The following DENND5B variants were observed in gnomAD, a reference collection of about 807,000 sequenced individuals.
DENND5B encodes the protein DENN domain-containing protein 5B.
A neutral mutation model predicts 140.6 loss-of-function variants in DENND5B; 34 were observed. That is an observed-to-expected ratio of 0.24 (90% CI 0.18 to 0.32). DENND5B has a LOEUF of 0.32. Ranked by LOEUF, DENND5B falls within the 10% of genes least tolerant of loss-of-function variation. The probability of loss-of-function intolerance (pLI) is 1.00; values close to 1 mark genes in which losing one functional copy is unlikely to be tolerated. For missense variants in DENND5B, 1,142 were observed against 1,560.2 expected (o/e 0.73, Z 4.52); for synonymous variants, 551 against 562.1 (o/e 0.98, Z 0.28).
intron 4 of DENND5B, among the ~76,000 whole-genome samples, chr12:31,456,979 G>T (rs1944804667): frequency 6.6e-6 from 1 of 152,160 alleles, no homozygotes; most frequent in African/African-American, 2.4e-5. Context: ...AGCTACTCAT[G>T]AGGCTGAGGT....
At chr12:31,426,236 C>T (rs1943227712) in intron 9 of DENND5B, 57 bp downstream of exon 9, 1 of 1,532,868 alleles carries the variant, frequency 6.5e-7, no homozygotes, top group Non-Finnish European at 8.8e-7. Context: ...TCATCTTAGC[C>T]TCACACATGG....
intron 3 of DENND5B, chr12:31,477,995 G>T: frequency 4.9e-6 from 1 of 204,930 alleles, no homozygotes; most frequent in East Asian, 1.2e-4. Context: ...TAATGCCCAA[G>T]GAGCTTCAGA....
intron 17 of DENND5B, among the ~76,000 whole-genome samples, chr12:31,393,974 G>A (rs547176273): frequency 2.0e-5 from 3 of 152,204 alleles, no homozygotes; most frequent in South Asian, 4.2e-4. Flanking sequence ...ACAGGCGTAA[G>A]CCACCATGCC....
In DENND5B at chr12:31,409,382, T is replaced by G; in HGVS notation, c.2684A>C (p.Lys895Thr). 6.5e-7 allele frequency: 1 copy of G among 1,540,698 alleles called. No homozygotes were observed. The highest frequency in any genetic ancestry group is 8.8e-7 in the Non-Finnish European group (1 of 1,141,430). The change falls in exon 14 of 21, where the codon AAG becomes ACG. Residue 895 changes from lysine (K) to threonine (T), a missense_variant and splice_region_variant. Around this residue, in one of 5 missense-constraint regions of DENND5B, gnomAD observed 268 missense variants for 349.2 expected, o/e 0.77. Transcript: ENST00000389082. ...QLLSNQPLTKKLYKRYAFLRC... is the reference protein window; with the variant it reads ...QLLSNQPLTKTLYKRYAFLRC... ...TAGAAAAGCATATCGCTTATAAAGC[T>G]TCCTAGGAAAGGGTAAGACAAGCAC...
intron 2 of DENND5B, among the ~76,000 whole-genome samples, chr12:31,481,044 G>T (rs1415556558): frequency 6.6e-6 from 1 of 152,104 alleles, no homozygotes; most frequent in Admixed American, 6.5e-5. Flanking sequence ...TTAAATAAAA[G>T]AAGTGAAATT....
At chr12:31,468,382 A>T (rs1239780114) in intron 3 of DENND5B, among the ~76,000 whole-genome samples, 1 of 152,132 alleles carries the variant, frequency 6.6e-6, no homozygotes, top group East Asian at 1.9e-4. Context: ...GCAGGTGGGG[A>T]GAAAGAAAGG....
At chr12:31,497,544 T>C (rs1946806257) in intron 1 of DENND5B, among the ~76,000 whole-genome samples, 1 of 151,702 alleles carries the variant, frequency 6.6e-6, no homozygotes, top group East Asian at 1.9e-4. Context: ...GGCTCAGAAC[T>C]GATTTCAGGA....
At chr12:31,469,466 C>T (rs997468652) in intron 3 of DENND5B, among the ~76,000 whole-genome samples, 4 of 152,150 alleles carry the variant, frequency 2.6e-5, no homozygotes, top group African/African-American at 9.7e-5. Flanking sequence ...CCTTTTGCAC[C>T]TCTCTTCCAT....
intron 12 of DENND5B, among the ~76,000 whole-genome samples, chr12:31,414,482 CAG>C (rs2137581265): frequency 6.6e-6 from 1 of 152,060 alleles, no homozygotes; most frequent in Non-Finnish European, 1.5e-5. Flanking sequence ...CTTCGGTGGG[CAG>C]AGGTGTTTAA....
intron 1 of DENND5B, among the ~76,000 whole-genome samples, chr12:31,571,652 T>C (rs920712329): frequency 1.1e-4 from 17 of 152,100 alleles, no homozygotes; most frequent in African/African-American, 4.1e-4. Flanking sequence ...GGAGTTTCAC[T>C]CATTGCCCAG....
chr12:31,525,632 A>C (rs1185132959), intron 1 of DENND5B, among the ~76,000 whole-genome samples: 1 of 152,182 alleles, frequency 6.6e-6, no homozygotes, highest in Non-Finnish European at 1.5e-5. Flanking sequence ...TAGCAATTGA[A>C]TTGTTTGCTT....
At chr12:31,469,981 G>A (rs189704186) in intron 3 of DENND5B, among the ~76,000 whole-genome samples, 1 of 152,000 alleles carries the variant, frequency 6.6e-6, no homozygotes, top group East Asian at 1.9e-4. Flanking sequence ...ACAGGGTCTC[G>A]CTCTGTCACG....
chr12:31,428,880 T>C (rs1943370262), intron 8 of DENND5B, among the ~76,000 whole-genome samples: 1 of 152,148 alleles, frequency 6.6e-6, no homozygotes, highest in East Asian at 1.9e-4. Context: ...TACAGGCGTC[T>C]GCCACCACAC....
At chr12:31,395,963 A>AG (rs56244393) in intron 17 of DENND5B, among the ~76,000 whole-genome samples, 1 of 142,976 alleles carries the variant, frequency 7.0e-6, no homozygotes, top group African/African-American at 2.5e-5. Flanking sequence ...AAAAAAAAAA[A>AG]GCAAGGTGTC....
intron 14 of DENND5B, 55 bp downstream of exon 14, chr12:31,409,208 C>T (rs1942305080): frequency 2.0e-6 from 3 of 1,481,912 alleles, no homozygotes; most frequent in Non-Finnish European, 2.7e-6. Flanking sequence ...AATATAAATG[C>T]TTTTATTGCA....
intron 16 of DENND5B, 58 bp downstream of exon 16, chr12:31,399,596 T>G (rs1056824439): frequency 1.4e-6 from 2 of 1,414,068 alleles, no homozygotes; most frequent in African/African-American, 1.4e-5. Context: ...CTTAAACCTT[T>G]TCTTACCTGA....
rs957602215 is a variant in DENND5B, at chr12:31,558,128, G to A, written c.127+32578C>T. ...AGGAGTTCACTACCTTGATAACAGC[G>A]CTAGAGATACTCAGACACTGAGCCC... On this transcript the variant is annotated intron_variant, in intron 1 of 20. Transcript: ENST00000389082. Among the ~76,000 whole-genome samples the A allele has an allele frequency of 1.6e-4, 25 of 152,246 alleles. No individual in the cohort carries two copies. In the East Asian group the frequency reaches 1.7e-3, roughly 11 times the overall value.
intron 1 of DENND5B, among the ~76,000 whole-genome samples, chr12:31,577,710 CAAAAAAAAAAAAAA>C (rs35015214): frequency 8.5e-5 from 6 of 70,506 alleles, no homozygotes; most frequent in Non-Finnish European, 1.3e-4. Flanking sequence ...GACTCTGTCT[CAAAAAAAAAAAAAA>C]AAAAAAAAAA....
intron 1 of DENND5B, among the ~76,000 whole-genome samples, chr12:31,538,380 GA>G (rs1341062874): frequency 6.6e-6 from 1 of 151,940 alleles, no homozygotes; most frequent in East Asian, 1.9e-4. Context: ...AAATTTTCTT[GA>G]AATAAATGAT....
Sources: allele counts gnomAD v4.1 joint callset (sites outside exome capture counted in the v4.1 genomes callset), GRCh38; gene constraint gnomAD v4.1.1; regional missense constraint gnomAD v4.1.1; transcripts MANE v1.5; gene names NCBI Gene and HGNC (gene_info 2026-07-23, HGNC 2026-07-21).